Variants in KDM4C observed in about 807,000 individuals in gnomAD.
KDM4C encodes lysine demethylase 4C, also known as lysine-specific demethylase 4C.
Under a neutral mutation model 129.3 loss-of-function variants are expected in KDM4C, and 81 were observed. The ratio of observed to expected loss-of-function variants is 0.63; its 90% CI spans 0.52 to 0.75. KDM4C has a LOEUF of 0.75. KDM4C is among the 30% of genes least tolerant of loss of function. The probability of loss-of-function intolerance (pLI) is 0.00; values close to 1 mark genes in which losing one functional copy is unlikely to be tolerated. For missense variants in KDM4C, 1,457 were observed against 1,304.0 expected, an observed-to-expected ratio of 1.12 and a Z score of -1.81; for synonymous variants, 573 against 456.1, an observed-to-expected ratio of 1.26 and a Z score of -3.26.
intron 12 of KDM4C, among the ~76,000 whole-genome samples, chr9:7,003,107 C>G (rs1055579489): frequency 2.0e-5 from 3 of 152,170 alleles, no homozygotes; most frequent in Non-Finnish European, 4.4e-5. Flanking sequence ...CTCAAGTGAT[C>G]CATCTGCCTC....
chr9:6,903,575 GGTGATTGTT>G (rs767073884), intron 8 of KDM4C, among the ~76,000 whole-genome samples: 14 of 152,160 alleles, frequency 9.2e-5, no homozygotes, highest in Non-Finnish European at 2.1e-4. Context: ...GTAGGCAAAA[GGTGATTGTT>G]GTAGTGCCAG....
intron 8 of KDM4C, among the ~76,000 whole-genome samples, chr9:6,965,216 AGC>A (rs763653250): frequency 2.7e-4 from 41 of 152,018 alleles, no homozygotes; most frequent in East Asian, 7.7e-4. Context: ...GGAAGCCTTG[AGC>A]TTAACACAAG....
chr9:7,105,550 G>C (rs761443389), intron 18 of KDM4C: 2 of 443,844 alleles, frequency 4.5e-6, no homozygotes. Context: ...AGTTCAGAGA[G>C]GTTTAATTCC....
At chr9:6,999,880 T>C (rs1820416837) in intron 12 of KDM4C, among the ~76,000 whole-genome samples, 1 of 152,252 alleles carries the variant, frequency 6.6e-6, no homozygotes, top group South Asian at 2.1e-4. Flanking sequence ...CCAAATGTTA[T>C]TAATTTTTAC....
chr9:6,962,930 A>T (rs1015931396), intron 8 of KDM4C, among the ~76,000 whole-genome samples: 4 of 152,204 alleles, frequency 2.6e-5, no homozygotes, highest in African/African-American at 9.6e-5. Flanking sequence ...CAGACCTATA[A>T]ATATTTTACA....
chr9:6,752,617 TTA>T, intron 1 of KDM4C, among the ~76,000 whole-genome samples: 1 of 151,462 alleles, frequency 6.6e-6, no homozygotes, highest in Non-Finnish European at 1.5e-5. Flanking sequence ...ACCATGTTGG[TTA>T]GGCTGATCTC....
At chr9:7,002,819 T>C (rs1820974334) in intron 12 of KDM4C, among the ~76,000 whole-genome samples, 1 of 152,242 alleles carries the variant, frequency 6.6e-6, no homozygotes, top group Non-Finnish European at 1.5e-5. Flanking sequence ...AAGTGGTAGA[T>C]AACAGGCTTT....
At chr9:7,111,376 A>G (rs1349650216) in intron 18 of KDM4C, among the ~76,000 whole-genome samples, 1 of 152,222 alleles carries the variant, frequency 6.6e-6, no homozygotes, top group Admixed American at 6.5e-5. Flanking sequence ...AGTATAATGC[A>G]GACACTCTGA....
At chr9:7,035,049 AT>A (rs1827392498) in intron 15 of KDM4C, among the ~76,000 whole-genome samples, 2 of 151,514 alleles carry the variant, frequency 1.3e-5, no homozygotes, top group Admixed American at 6.6e-5. Flanking sequence ...TCTCACTTCC[AT>A]TGCCCAGGCT....
chr9:6,990,336 A>G (rs1818498174), intron 11 of KDM4C, 80 bp from the exon 12 acceptor site: 3 of 915,802 alleles, frequency 3.3e-6, no homozygotes, highest in Non-Finnish European at 5.2e-6. Flanking sequence ...GTGATAAATA[A>G]TTGTGAACTG....
intron 5 of KDM4C, among the ~76,000 whole-genome samples, chr9:6,871,715 C>T (rs147044052): frequency 7.6e-4 from 115 of 152,290 alleles, no homozygotes; most frequent in Non-Finnish European, 1.4e-3. Context: ...GAATTAGCTA[C>T]ATAACTGAGC....
intron 17 of KDM4C, among the ~76,000 whole-genome samples, chr9:7,091,376 C>G (rs1205974123): frequency 6.6e-6 from 1 of 151,932 alleles, no homozygotes; most frequent in Non-Finnish European, 1.5e-5. Context: ...GAGTACAATA[C>G]TTTTTCCACT....
At chr9:6,867,012 T>G (rs1842123428) in intron 5 of KDM4C, among the ~76,000 whole-genome samples, 1 of 100,046 alleles carries the variant, frequency 1.0e-5, no homozygotes, top group Admixed American at 1.0e-4. Flanking sequence ...TATATATATA[T>G]ATATATTTTT....
intron 12 of KDM4C, among the ~76,000 whole-genome samples, chr9:6,999,275 T>A (rs1820336699): frequency 6.6e-6 from 1 of 152,240 alleles, no homozygotes; most frequent in South Asian, 2.1e-4. Flanking sequence ...ATTTTAAGGA[T>A]TTATTAAGTG....
chr9:6,828,017 C>T (rs144354083), intron 4 of KDM4C, among the ~76,000 whole-genome samples: 3 of 152,316 alleles, frequency 2.0e-5, no homozygotes, highest in African/African-American at 7.2e-5. Context: ...GTTGCCAGAG[C>T]AGCACAGCTG....
In KDM4C at chr9:7,175,394, A is replaced by T. The variant is rs1209480547; in HGVS notation, c.*665A>T. On this transcript the variant is annotated 3_prime_UTR_variant, in exon 22 of 22. Transcript: ENST00000381309. Reference sequence around the variant, plus strand: ...TTTTGGCTCTTGAGAAAGAATTCTTATGAATTGTTATGCGAATTTTATATA... The same window carrying T: ...TTTTGGCTCTTGAGAAAGAATTCTTTTGAATTGTTATGCGAATTTTATATA... The T allele has an allele frequency of 3.9e-5, 6 of 152,598 alleles. No individual in the cohort carries two copies. Among genetic ancestry groups the T allele is most frequent in the Non-Finnish European group, 8.8e-5 (6 of 68,024 alleles). The allele number at this position is 152,598 out of a possible 1,614,324, so 9.5% of individuals were successfully genotyped here.
intron 3 of KDM4C, among the ~76,000 whole-genome samples, chr9:6,811,456 G>A (rs1402011740): frequency 6.6e-6 from 1 of 152,120 alleles, no homozygotes; most frequent in Non-Finnish European, 1.5e-5. Context: ...TTTAGCACCT[G>A]ACCTGGCATT....
intron 1 of KDM4C, among the ~76,000 whole-genome samples, chr9:6,779,046 T>TTTTTTTTTTTTTA (rs71315563): frequency 6.9e-5 from 10 of 144,358 alleles, no homozygotes; most frequent in Admixed American, 2.1e-4. Context: ...TTTTTTTTTT[T>TTTTTTTTTTTTTA]GAGATGGAGT....
chr9:6,896,203 T>G (rs1221572527), intron 8 of KDM4C, among the ~76,000 whole-genome samples: 1 of 152,202 alleles, frequency 6.6e-6, no homozygotes, highest in Non-Finnish European at 1.5e-5. Flanking sequence ...TTTGTCTTCA[T>G]CAGTTTGTTC....
Sources: gnomAD v4.1 joint callset for allele counts (sites outside exome capture counted in the v4.1 genomes callset) on GRCh38, gnomAD v4.1.1 for gene constraint, MANE v1.5 for transcripts, NCBI Gene and HGNC (gene_info 2026-07-23, HGNC 2026-07-21) for gene names.